Variants in FCSK observed in about 807,000 individuals in gnomAD.
FCSK encodes fucose kinase, also known as L-fucose kinase.
Under a neutral mutation model 122.5 loss-of-function variants are expected in FCSK, and 123 were observed. The observed-to-expected ratio is 1.00, with a 90% CI of 0.87 to 1.17. The LOEUF (loss-of-function observed/expected upper bound fraction) is 1.17. FCSK is among the 50% of genes most tolerant of loss of function. The probability of loss-of-function intolerance (pLI) is 0.00; values close to 1 mark genes in which losing one functional copy is unlikely to be tolerated. For missense variants in FCSK, 1,366 were observed against 1,450.4 expected, an observed-to-expected ratio of 0.94 and a Z score of 0.95; for synonymous variants, 620 against 625.5, an observed-to-expected ratio of 0.99 and a Z score of 0.13.
intron 1 of FCSK, 117 bp downstream of exon 1, chr16:70,454,747 GC>G (rs2048035413): frequency 6.6e-6 from 1 of 152,054 alleles, no homozygotes; most frequent in Admixed American, 6.6e-5. Context: ...CCCGCGGGCC[GC>G]CCGGGTCCTG....
At chr16:70,466,320 C>T (rs2048418872) in intron 5 of FCSK, 63 bp downstream of exon 5, 1 of 1,594,186 alleles carries the variant, frequency 6.3e-7, no homozygotes, top group Non-Finnish European at 8.6e-7. Flanking sequence ...TCCCACTGTT[C>T]CCCCAGGTAT....
rs760309838 is a variant in FCSK at position 70,475,674 on chromosome 16, G to A, written c.2548G>A (p.Ala850Thr). ...CACCAGCAGCATCCTGGCAGGCACTGCCCTGGCTGCCTTGCAGCGAGCCGC... is the reference window on the plus strand; with the variant it reads ...CACCAGCAGCATCCTGGCAGGCACTACCCTGGCTGCCTTGCAGCGAGCCGC... ...LGTSSILAGT[A>T]LAALQRAAGR... Residue 850 changes from alanine to threonine, a missense_variant, in exon 20 of 24, where the codon GCC (alanine) becomes ACC (threonine). Ala to Thr is a moderately conservative substitution (Grantham distance 58). Coordinates refer to ENST00000288078, the MANE Select transcript of FCSK (RefSeq NM_145059.3). 1.9e-6 allele frequency: 3 copies of A among 1,602,626 alleles called. No homozygotes were observed. The highest frequency in any genetic ancestry group is 2.6e-6 in the Non-Finnish European group (3 of 1,174,246).
intron 4 of FCSK, among the ~76,000 whole-genome samples, chr16:70,465,439 G>C (rs1286868570): frequency 6.6e-6 from 1 of 152,180 alleles, no homozygotes. Context: ...CGGGAGGATT[G>C]CTTGAGCCCA....
Position 70,479,782 on chromosome 16 carries a change from C to T in FCSK, c.*102C>T, listed in dbSNP as rs1005806192. 1.9e-5 allele frequency: 16 copies of T among 829,022 alleles called. No homozygotes were observed. Among genetic ancestry groups the T allele is most frequent in the South Asian group, 5.1e-5 (3 of 58,754 alleles). 51.4% of individuals were successfully genotyped at this position (829,022 alleles called of 1,614,324 possible). On this transcript the variant is annotated 3_prime_UTR_variant, in exon 24 of 24. Transcript: ENST00000288078. ...ACCTCCTACTCCCCACCCACCTCTG[C>T]GAATCTGCTCCCAAAGGAAGCTGAC...
At chr16:70,470,707 G>C (rs1302263716) in intron 11 of FCSK, among the ~76,000 whole-genome samples, 1 of 152,200 alleles carries the variant, frequency 6.6e-6, no homozygotes, top group Non-Finnish European at 1.5e-5. Flanking sequence ...TGGTGGGCCT[G>C]GGTCAGTGCC....
chr16:70,468,807 T>C, intron 8 of FCSK, 42 bp from the exon 9 acceptor site: 1 of 1,612,494 alleles, frequency 6.2e-7, no homozygotes, highest in Non-Finnish European at 8.5e-7. Flanking sequence ...CAGGGCCTGG[T>C]CCAGGGCCCT....
chr16:70,478,094 C>T, intron 20 of FCSK, 178 bp from the exon 21 acceptor site: 1 of 622,226 alleles, frequency 1.6e-6, no homozygotes, highest in East Asian at 2.8e-5. Context: ...AGAGTGAAGC[C>T]CATTCCCTTG....
intron 11 of FCSK, 35 bp from the exon 12 acceptor site, chr16:70,470,936 G>C: frequency 1.2e-5 from 19 of 1,534,468 alleles, no homozygotes; most frequent in East Asian, 2.4e-5. Flanking sequence ...CCTGGGCCTC[G>C]ACCCCCCTCA....
intron 8 of FCSK, 35 bp from the exon 9 acceptor site, chr16:70,468,814 C>G: frequency 6.2e-7 from 1 of 1,612,976 alleles, no homozygotes; most frequent in Non-Finnish European, 8.5e-7. Context: ...TGGTCCAGGG[C>G]CCTCCATCTC....
intron 3 of FCSK, 139 bp downstream of exon 3, chr16:70,463,913 G>A: frequency 1.1e-6 from 1 of 930,874 alleles, no homozygotes; most frequent in Non-Finnish European, 1.6e-6. Flanking sequence ...AAATTGGGCG[G>A]ACTCATCTCT....
At chr16:70,456,854 A>T (rs2048106434) in intron 1 of FCSK, among the ~76,000 whole-genome samples, 1 of 152,022 alleles carries the variant, frequency 6.6e-6, no homozygotes, top group African/African-American at 2.4e-5. Flanking sequence ...CCCCGTCTCT[A>T]CTAAAAATAC....
At chr16:70,475,555 T>G in intron 19 of FCSK, 62 bp downstream of exon 19, 1 of 1,588,706 alleles carries the variant, frequency 6.3e-7, no homozygotes, top group Non-Finnish European at 8.6e-7. Flanking sequence ...TTGCCTGTGA[T>G]CCCCCTTCCT....
In FCSK at chr16:70,479,656, C is replaced by G; in HGVS notation, c.3231C>G (p.Ala1077=). 6.2e-7 allele frequency: 1 copy of G among 1,614,036 alleles called. No homozygotes were observed. Among genetic ancestry groups the G allele is most frequent in the Non-Finnish European group, 8.5e-7 (1 of 1,179,956 alleles). Residue 1077 remains alanine (A), a synonymous_variant, in exon 24 of 24, where the codon GCC becomes GCG. Coordinates refer to ENST00000288078, the MANE Select transcript of FCSK (RefSeq NM_145059.3). ...GLSLKLLGTE[A]STCCPFP ...GCCTGAAGCTGCTGGGGACCGAGGC[C>G]TCAACCTGTTGCCCTTTCCCATGAA...
intron 12 of FCSK, 36 bp downstream of exon 12, chr16:70,471,108 G>T: frequency 6.3e-7 from 1 of 1,591,076 alleles, no homozygotes. Context: ...TGGGGCGAGG[G>T]TGCTGGCATC....
chr16:70,463,179 C>G lies in FCSK; in HGVS notation c.-12C>G, dbSNP rs765675488. The G allele has an allele frequency of 3.1e-6, 5 of 1,612,488 alleles. No individual in the cohort carries two copies. The Admixed American group carries it at 8.3e-5, about 27-fold the overall frequency. On this transcript the variant is annotated 5_prime_UTR_variant, in exon 2 of 24. Transcript: ENST00000288078. ...ATATTGCTGTCTCAGGAAGCCCCTC[C>G]GCTTGGCCAGAATGGAGCAGCCGAA... is the stretch of plus-strand genomic sequence containing the variant.
Position 70,478,663 on chromosome 16 carries a change from C to T in FCSK, c.2929+13C>T, listed in dbSNP as rs2048893626. ...GGCTTCCGCCAAGGTGAGGGGCTTC[C>T]TCTGGGGGGGTCAGGGCACTGGGAG... is the stretch of plus-strand genomic sequence containing the variant. On this transcript the variant is annotated intron_variant, in intron 22 of 23. Coordinates refer to ENST00000288078, the MANE Select transcript of FCSK (RefSeq NM_145059.3). 1.2e-6 allele frequency: 2 copies of T among 1,609,504 alleles called. No individual in the cohort carries two copies. The highest frequency in any genetic ancestry group is 2.7e-5 in the African/African-American group (2 of 74,828).
In FCSK at chr16:70,479,331, A is replaced by G; in HGVS notation, c.3081A>G (p.Gly1027=). 1 of 1,613,924 alleles carries G rather than the reference A, an allele frequency of 6.2e-7. No homozygotes were observed. The part of the protein sequence containing the change: ...HGQSLAGAGG[G]GFLYLLTKEP... ...AGAGCCTGGCTGGGGCAGGCGGTGG[A>G]GGCTTTCTCTATCTGTTGACCAAGG... The change falls in exon 23 of 24, where the codon GGA becomes GGG. Residue 1027 remains glycine, a synonymous_variant. Transcript: ENST00000288078.
intron 6 of FCSK, chr16:70,467,161 C>T: frequency 1.6e-6 from 1 of 637,244 alleles, no homozygotes; most frequent in Non-Finnish European, 2.8e-6. Context: ...ACAGAAGCAG[C>T]CCTGCCCCTT....
At position 70,473,690 on chromosome 16, in the gene FCSK, G is replaced by C. The variant is rs187265071; in HGVS notation, c.1777+337G>C. Among the ~76,000 whole-genome samples the C allele has an allele frequency of 6.6e-6, 1 of 152,264 alleles. No individual in the cohort carries two copies. Among genetic ancestry groups the C allele is most frequent in the African/African-American group, 2.4e-5 (1 of 41,550 alleles). ...GTGGCGAGGGGACAGAGCCCCCAGGGGACATGGTCATCTCTGCATGAGGTC... is the reference window on the plus strand; with the variant it reads ...GTGGCGAGGGGACAGAGCCCCCAGGCGACATGGTCATCTCTGCATGAGGTC... On this transcript the variant is annotated intron_variant, in intron 15 of 23. Coordinates refer to ENST00000288078, the MANE Select transcript of FCSK (RefSeq NM_145059.3). The surrounding 1 kb of genome is among the most constrained non-coding windows in gnomAD (Gnocchi z 4.9).
Sources: gnomAD v4.1 joint callset for allele counts (sites outside exome capture counted in the v4.1 genomes callset) on GRCh38, gnomAD v4.1.1 for gene constraint, Gnocchi (gnomAD v3.1) non-coding constraint, MANE v1.5 for transcripts, NCBI Gene and HGNC (gene_info 2026-07-23, HGNC 2026-07-21) for gene names.